MGMT: variants seen among roughly 807,000 people sequenced by gnomAD.
The protein encoded by MGMT is methylated-DNA--protein-cysteine methyltransferase.
Under a neutral mutation model 15.9 loss-of-function variants are expected in MGMT, and 14 were observed. The observed-to-expected ratio is 0.88, with a 90% CI of 0.58 to 1.37. The LOEUF is 1.37. Ranked by LOEUF, MGMT falls within the 40% of genes most tolerant of loss-of-function variation. The pLI, the probability that MGMT is intolerant of heterozygous loss-of-function variation, is 0.00. For synonymous variants in MGMT, 130 were observed against 118.2 expected, an observed-to-expected ratio of 1.10 and a Z score of -0.65; for missense variants, 282 against 268.1, an observed-to-expected ratio of 1.05 and a Z score of -0.36.
chr10:129,567,163 A>T (rs756590048), intron 2 of MGMT, among the ~76,000 whole-genome samples: 1 of 152,012 alleles, frequency 6.6e-6, no homozygotes, highest in Non-Finnish European at 1.5e-5. Flanking sequence ...GCGGACTCCC[A>T]CTGCGTTCAG....
intron 2 of MGMT, among the ~76,000 whole-genome samples, chr10:129,547,117 C>T (rs963597242): frequency 6.6e-6 from 1 of 152,220 alleles, no homozygotes; most frequent in African/African-American, 2.4e-5. Context: ...TGTTCAGTTT[C>T]CCTCTAGACT....
chr10:129,657,707 G>GCACACACACA (rs57838117), intron 2 of MGMT, among the ~76,000 whole-genome samples: 3,300 of 111,462 alleles, frequency 0.03, 124 homozygotes, highest in African/African-American at 0.098. Flanking sequence ...ACACACACAC[G>GCACACACACA]CACACACACA....
At chr10:129,714,720 A>G (rs1032412669) in intron 3 of MGMT, among the ~76,000 whole-genome samples, 31 of 152,256 alleles carry the variant, frequency 2.0e-4, no homozygotes, top group African/African-American at 6.5e-4. Flanking sequence ...TAACATTCCT[A>G]ATTTAATAGC....
At chr10:129,578,148 A>G (rs913496592) in intron 2 of MGMT, among the ~76,000 whole-genome samples, 4 of 152,238 alleles carry the variant, frequency 2.6e-5, no homozygotes, top group Non-Finnish European at 5.9e-5. Context: ...ATCTAGAACT[A>G]GAAATACCAT....
chr10:129,525,147 T>A (rs1335583106), intron 1 of MGMT, among the ~76,000 whole-genome samples: 1 of 152,194 alleles, frequency 6.6e-6, no homozygotes, highest in Non-Finnish European at 1.5e-5. Flanking sequence ...GCAGTTTGTA[T>A]GTTAACTGCT....
chr10:129,721,905 C>T (rs1212990693), intron 3 of MGMT, among the ~76,000 whole-genome samples: 3 of 151,786 alleles, frequency 2.0e-5, no homozygotes, highest in Admixed American at 6.6e-5. Flanking sequence ...AGTTGGCAGA[C>T]TTAAACCCAA....
intron 1 of MGMT, among the ~76,000 whole-genome samples, chr10:129,515,979 G>A (rs1400138038): frequency 6.6e-6 from 1 of 152,140 alleles, no homozygotes; most frequent in Non-Finnish European, 1.5e-5. Context: ...CAGGGAACAG[G>A]ATCTAAACGC....
At chr10:129,666,447 T>G (rs1411960744) in intron 2 of MGMT, among the ~76,000 whole-genome samples, 1 of 152,196 alleles carries the variant, frequency 6.6e-6, no homozygotes, top group Non-Finnish European at 1.5e-5. Flanking sequence ...TTTATGTCTT[T>G]CCATAAAATT....
intron 4 of MGMT, 74 bp downstream of exon 4, chr10:129,759,415 G>A (rs1027063311): frequency 1.9e-5 from 30 of 1,598,812 alleles, no homozygotes; most frequent in East Asian, 6.7e-5. Flanking sequence ...CTGATCCCAC[G>A]TGTTTCCTCG....
Position 129,767,149 on chromosome 10 carries a change from A to T in MGMT, c.*152A>T. 1 of 661,050 alleles carries T rather than the reference A, an allele frequency of 1.5e-6. No homozygotes were observed. The highest frequency in any genetic ancestry group is 2.5e-6 in the Non-Finnish European group (1 of 399,834). 40.9% of individuals were successfully genotyped at this position (661,050 alleles called of 1,614,324 possible). A position where few individuals can be genotyped will look rare whatever the true frequency, so the allele number is the denominator to read the frequency against. ...TGTTTCCATATTTTACAGCAGGATGAGTTCAGACGCCCGCGGTCCTGCACA... is the reference window on the plus strand; with the variant it reads ...TGTTTCCATATTTTACAGCAGGATGTGTTCAGACGCCCGCGGTCCTGCACA... On this transcript the variant is annotated 3_prime_UTR_variant, in exon 5 of 5. Transcript: ENST00000651593.
intron 2 of MGMT, among the ~76,000 whole-genome samples, chr10:129,667,122 T>G (rs1847668105): frequency 6.6e-6 from 1 of 152,204 alleles, no homozygotes; most frequent in Non-Finnish European, 1.5e-5. Flanking sequence ...GAGAAGCGCC[T>G]GCAGTGAATC....
At chr10:129,747,351 G>C (rs537621436) in intron 3 of MGMT, among the ~76,000 whole-genome samples, 46 of 152,252 alleles carry the variant, frequency 3.0e-4, no homozygotes, top group African/African-American at 1.1e-3. Flanking sequence ...TTGTCAGATT[G>C]AGGATGTTAC....
At chr10:129,480,351 G>A (rs571496717) in intron 1 of MGMT, among the ~76,000 whole-genome samples, 46 of 152,276 alleles carry the variant, frequency 3.0e-4, no homozygotes, top group African/African-American at 1.1e-3. Flanking sequence ...TGCTCTCTAT[G>A]ACGTTAAAAT....
chr10:129,744,552 G>A (rs1235679065), intron 3 of MGMT, among the ~76,000 whole-genome samples: 1 of 152,236 alleles, frequency 6.6e-6, no homozygotes, highest in Non-Finnish European at 1.5e-5. Flanking sequence ...TCCCCCTGCT[G>A]TGAACCCCAT....
chr10:129,625,010 C>T (rs565974), intron 2 of MGMT, among the ~76,000 whole-genome samples: 62,325 of 151,920 alleles, frequency 0.41, 13,855 homozygotes, highest in East Asian at 0.62. Context: ...TAAAAATTTT[C>T]AAAATTCCCA....
chr10:129,720,384 C>T (rs539517339), intron 3 of MGMT, among the ~76,000 whole-genome samples: 1 of 152,270 alleles, frequency 6.6e-6, no homozygotes, highest in East Asian at 1.9e-4. Context: ...CCAGCCTCGG[C>T]CCCTCCTGGC....
chr10:129,693,421 C>G (rs1373260927), intron 2 of MGMT, among the ~76,000 whole-genome samples: 1 of 152,084 alleles, frequency 6.6e-6, no homozygotes, highest in Non-Finnish European at 1.5e-5. Context: ...TCAAAAGATC[C>G]CCAAGTTACC....
intron 1 of MGMT, among the ~76,000 whole-genome samples, chr10:129,515,743 C>T (rs1447804639): frequency 6.6e-6 from 1 of 152,164 alleles, no homozygotes; most frequent in African/African-American, 2.4e-5. Context: ...GCGTGGCCTG[C>T]ATACAGGTGG....
At chr10:129,756,045 G>A (rs767948050) in intron 3 of MGMT, among the ~76,000 whole-genome samples, 8 of 152,226 alleles carry the variant, frequency 5.3e-5, no homozygotes, top group Non-Finnish European at 1.2e-4. Flanking sequence ...CCCAGTGTCT[G>A]TGACACAAAA....
Sources: allele counts gnomAD v4.1 joint callset (sites outside exome capture counted in the v4.1 genomes callset), GRCh38; gene constraint gnomAD v4.1.1; transcripts MANE v1.5; gene names NCBI Gene and HGNC (gene_info 2026-07-23, HGNC 2026-07-21).